Variants in DTNB observed in about 807,000 individuals in gnomAD.
DTNB encodes the protein DTN-B.
Under a neutral mutation model 90.7 loss-of-function variants are expected in DTNB, and 63 were observed. The ratio of observed to expected loss-of-function variants is 0.69; its 90% CI spans 0.57 to 0.86. The LOEUF is 0.86. Among genes scored for constraint, DTNB ranks in the 40% least tolerant of loss-of-function variants. The pLI is 0.00. For synonymous variants in DTNB, 277 were observed against 286.7 expected (o/e 0.97, Z 0.34); for missense variants, 744 against 807.1 (o/e 0.92, Z 0.95).
At chr2:25,444,042 G>A (rs1013404217) in intron 12 of DTNB, among the ~76,000 whole-genome samples, 2 of 152,090 alleles carry the variant, frequency 1.3e-5, no homozygotes, top group African/African-American at 4.8e-5. Flanking sequence ...GCATGACAAT[G>A]GGTGATAGTT....
At chr2:25,442,596 T>C (rs1214708664) in intron 12 of DTNB, among the ~76,000 whole-genome samples, 1 of 152,268 alleles carries the variant, frequency 6.6e-6, no homozygotes, top group Non-Finnish European at 1.5e-5. Flanking sequence ...TGCACATTTT[T>C]GTTGTTTTAA....
Position 25,386,307 on chromosome 2 carries a change from T to C in DTNB, c.1825+982A>G, listed in dbSNP as rs575036321. 7.2e-5 allele frequency among the ~76,000 whole-genome samples: 11 copies of C among 152,328 alleles called. No homozygotes were observed. The South Asian group carries it at 2.3e-3, about 32-fold the overall frequency. ...CTTTCTCCTACGAAGGGCTGAAAAA[T>C]ACCCAAGGCTTGCCTTCCCTAAGAG... On this transcript the variant is annotated intron_variant, in intron 18 of 20. Transcript: ENST00000406818.
chr2:25,596,631 T>A (rs1024645740), intron 5 of DTNB, among the ~76,000 whole-genome samples: 1 of 152,242 alleles, frequency 6.6e-6, no homozygotes, highest in Non-Finnish European at 1.5e-5. Context: ...TATGCATGAT[T>A]GAGTATATAA....
At chr2:25,632,818 C>T (rs1559317992) in intron 3 of DTNB, among the ~76,000 whole-genome samples, 1 of 152,164 alleles carries the variant, frequency 6.6e-6, no homozygotes, top group African/African-American at 2.4e-5. Flanking sequence ...CAGGCTAAGA[C>T]AAATGTTATC....
At chr2:25,632,598 A>G (rs1181399435) in intron 3 of DTNB, among the ~76,000 whole-genome samples, 1 of 152,120 alleles carries the variant, frequency 6.6e-6, no homozygotes, top group Non-Finnish European at 1.5e-5. Flanking sequence ...TAAAAAGAGG[A>G]AGAGAGACCT....
chr2:25,533,501 C>T lies in DTNB; in HGVS notation c.877-1904G>A, dbSNP rs1443676558. On this transcript the variant is annotated intron_variant, in intron 8 of 20. Coordinates refer to ENST00000406818, the MANE Select transcript of DTNB (RefSeq NM_021907.5). Reference sequence around the variant, plus strand: ...TCTTCCCCTATTAAAACCGTTTCTGCACTGCCCCCAGAGATCATGTCACTC... The same window carrying T: ...TCTTCCCCTATTAAAACCGTTTCTGTACTGCCCCCAGAGATCATGTCACTC... Among the ~76,000 whole-genome samples, 6 of 152,190 alleles carry T rather than the reference C, an allele frequency of 3.9e-5. No homozygotes were observed. The East Asian group carries it at 9.6e-4, about 24-fold the overall frequency.
chr2:25,570,383 G>A (rs567731493), intron 8 of DTNB, among the ~76,000 whole-genome samples: 1 of 123,566 alleles, frequency 8.1e-6, no homozygotes, highest in South Asian at 2.5e-4. Flanking sequence ...ACTCCAGATG[G>A]ACAATAGAGT....
chr2:25,447,283 G>A (rs1458633410), intron 12 of DTNB, among the ~76,000 whole-genome samples: 1 of 152,186 alleles, frequency 6.6e-6, no homozygotes, highest in African/African-American at 2.4e-5. Context: ...GAGAATGTAA[G>A]CAGAAATTTA....
chr2:25,462,858 C>T (rs1328184607), intron 10 of DTNB, among the ~76,000 whole-genome samples: 4 of 152,182 alleles, frequency 2.6e-5, no homozygotes, highest in Admixed American at 6.5e-5. Flanking sequence ...CGCCCGCCAC[C>T]ACGCCCGGCT....
chr2:25,635,697 AC>A (rs1273538556), intron 3 of DTNB, among the ~76,000 whole-genome samples: 1 of 152,216 alleles, frequency 6.6e-6, no homozygotes, highest in East Asian at 1.9e-4. Flanking sequence ...AATAAAAAAA[AC>A]ACAGGAGAGT....
At position 25,427,797 on chromosome 2, in the gene DTNB, T is replaced by C. The variant is rs1013088568; in HGVS notation, c.1458-166A>G. The C allele has an allele frequency of 4.9e-6, 3 of 617,576 alleles. No individual in the cohort carries two copies. In the African/African-American group the frequency reaches 5.7e-5, roughly 12 times the overall value. 38.3% of individuals were successfully genotyped at this position (617,576 alleles called of 1,614,324 possible). On this transcript the variant is annotated intron_variant, in intron 14 of 20. Transcript: ENST00000406818. ...AAATGGTGATAATGTCTGTTTTGCC[T>C]ACTTCCTGGACTGTTCTGAGAATAA...
intron 8 of DTNB, among the ~76,000 whole-genome samples, chr2:25,572,714 A>G (rs1048722923): frequency 6.6e-6 from 1 of 151,332 alleles, no homozygotes; most frequent in Non-Finnish European, 1.5e-5. Flanking sequence ...GGGCTTGTTC[A>G]GTTCAGGCTC....
rs1324574442 is a variant in DTNB, at chr2:25,424,235, C to T, written c.1554+3300G>A. On this transcript the variant is annotated intron_variant, in intron 15 of 20. Transcript: ENST00000406818. The surrounding 1 kb of genome is among the most constrained non-coding windows in gnomAD (Gnocchi z 4.1). ...TTCCTCCCAGTCTGAACAGCCTTAG[C>T]CTGTCAGACGGGTAAATGATATTTA... 2.6e-5 allele frequency among the ~76,000 whole-genome samples: 4 copies of T among 152,182 alleles called. 1 individual carries two copies. Among genetic ancestry groups the T allele is most frequent in the Non-Finnish European group, 4.4e-5 (3 of 68,042 alleles).
rs2082340775 is a variant in DTNB at position 25,546,066 on chromosome 2, C to T, written c.877-14469G>A. Among the ~76,000 whole-genome samples, 3 of 152,198 alleles carry T rather than the reference C, an allele frequency of 2.0e-5. No individual in the cohort carries two copies. In the South Asian group the frequency reaches 6.2e-4, roughly 32 times the overall value. ...ACACATACTCTGCCTTCCCAGCAAA[C>T]CCTATGTTTATTTAACATTGGGACT... On this transcript the variant is annotated intron_variant, in intron 8 of 20. Transcript: ENST00000406818.
chr2:25,562,927 A>G (rs780721884), intron 8 of DTNB, among the ~76,000 whole-genome samples: 9 of 151,768 alleles, frequency 5.9e-5, no homozygotes, highest in Non-Finnish European at 1.3e-4. Context: ...CCACCACCAC[A>G]CCTGGCTAAT....
rs554783361 is a variant in DTNB at position 25,588,522 on chromosome 2, G to A, written c.603+7564C>T. On this transcript the variant is annotated intron_variant, in intron 6 of 20. Transcript: ENST00000406818. ...CTGGGACTACAGGCGCACGCACCAC[G>A]CGCAGCTAATTTTTGTATTTTTAGT... Among the ~76,000 whole-genome samples, 17 of 152,180 alleles carry A rather than the reference G, an allele frequency of 1.1e-4. No individual in the cohort carries two copies. The South Asian group carries it at 1.7e-3, about 15-fold the overall frequency.
intron 4 of DTNB, among the ~76,000 whole-genome samples, chr2:25,612,449 G>GT: frequency 6.6e-6 from 1 of 152,236 alleles, no homozygotes; most frequent in African/African-American, 2.4e-5. Context: ...ATTTCACATT[G>GT]TAAGTATTAA....
intron 2 of DTNB, among the ~76,000 whole-genome samples, chr2:25,643,133 G>A (rs2078704974): frequency 6.6e-6 from 1 of 152,084 alleles, no homozygotes; most frequent in Non-Finnish European, 1.5e-5. Flanking sequence ...TATGGCTCAG[G>A]CACACTCTTC....
intron 15 of DTNB, among the ~76,000 whole-genome samples, chr2:25,425,488 C>G (rs1196980750): frequency 6.6e-6 from 1 of 152,176 alleles, no homozygotes; most frequent in East Asian, 1.9e-4. Flanking sequence ...CCTGGGCTAC[C>G]ACTCCTGGGG....
Sources: allele counts gnomAD v4.1 joint callset (sites outside exome capture counted in the v4.1 genomes callset), GRCh38; gene constraint gnomAD v4.1.1; non-coding constraint Gnocchi (gnomAD v3.1); transcripts MANE v1.5; gene names NCBI Gene and HGNC (gene_info 2026-07-23, HGNC 2026-07-21).